Variants in SIGLEC15 observed in about 807,000 individuals in gnomAD.
The protein encoded by SIGLEC15 is sialic acid-binding Ig-like lectin 15.
In SIGLEC15, 31 loss-of-function variants were observed where a neutral mutation model predicts 26.2. The ratio of observed to expected loss-of-function variants is 1.18; its 90% confidence interval spans 0.89 to 1.60. The LOEUF (loss-of-function observed/expected upper bound fraction) is 1.60, where lower values mean the gene tolerates loss of function less well. Among genes scored for constraint, SIGLEC15 ranks in the 40% most tolerant of loss-of-function variants. SIGLEC15 has a pLI of 0.00. For missense variants in SIGLEC15, 501 were observed against 488.4 expected, an observed-to-expected ratio of 1.03 and a Z score of -0.24; for synonymous variants, 207 against 221.9, an observed-to-expected ratio of 0.93 and a Z score of 0.60.
intron 5 of SIGLEC15, 99 bp downstream of exon 5, chr18:45,840,340 G>A: frequency 7.3e-7 from 1 of 1,362,732 alleles, no homozygotes; most frequent in Non-Finnish European, 1.0e-6. Context: ...GCAAAGGGCT[G>A]GGGCTGGGGT....
chr18:45,826,881 G>A (rs1029023432), intron 1 of SIGLEC15, among the ~76,000 whole-genome samples: 1 of 152,102 alleles, frequency 6.6e-6, no homozygotes, highest in African/African-American at 2.4e-5. Context: ...ACTCACATAA[G>A]GCTGAAAACC....
chr18:45,830,890 G>C (rs192604138), intron 1 of SIGLEC15, among the ~76,000 whole-genome samples: 1 of 151,950 alleles, frequency 6.6e-6, no homozygotes, highest in African/African-American at 2.4e-5. Context: ...GAGCCACCGC[G>C]CTTGGCCAGC....
Position 45,841,338 on chromosome 18 carries a change from G to GA in SIGLEC15, c.906-764dup, listed in dbSNP as rs539868536. On this transcript the variant is annotated intron_variant, in intron 5 of 5. Transcript: ENST00000389474. ...GGACAGTAGGGGCAGCCCGGGAGAG[G>GA]AAAAGGCAAGTAGAAAGACTCAGGT... Among the ~76,000 whole-genome samples, 23 of 152,236 alleles carry GA rather than the reference G, an allele frequency of 1.5e-4. No individual in the cohort carries two copies. In the East Asian group the frequency reaches 3.1e-3, roughly 20 times the overall value.
chr18:45,836,203 A>G lies in SIGLEC15; in HGVS notation c.53-826A>G, dbSNP rs997856610. Among the ~76,000 whole-genome samples, 10 of 151,994 alleles carry G rather than the reference A, an allele frequency of 6.6e-5. No homozygotes were observed. In the East Asian group the frequency reaches 1.9e-3, roughly 29 times the overall value. On this transcript the variant is annotated intron_variant, in intron 1 of 5. Transcript: ENST00000389474. ...CTGGGCTTGGGGTCAGAAAAGTCAT[A>G]TTTCTCCCATCTTCAACCTGTGTGA...
chr18:45,834,717 G>C (rs565793007), intron 1 of SIGLEC15, among the ~76,000 whole-genome samples: 17 of 152,338 alleles, frequency 1.1e-4, no homozygotes, highest in African/African-American at 4.1e-4. Context: ...GTACCCCAGT[G>C]CCTGGCATAA....
intron 5 of SIGLEC15, among the ~76,000 whole-genome samples, chr18:45,841,679 G>C (rs1202267491): frequency 1.3e-5 from 2 of 152,176 alleles, no homozygotes; most frequent in African/African-American, 4.8e-5. Context: ...CCTGAGCCCT[G>C]GGTCCCACTT....
intron 1 of SIGLEC15, among the ~76,000 whole-genome samples, chr18:45,831,087 T>C (rs1329167312): frequency 6.6e-6 from 1 of 152,166 alleles, no homozygotes; most frequent in East Asian, 1.9e-4. Context: ...GCATCAGAGC[T>C]AGGGCTGGAG....
At chr18:45,835,421 C>T (rs1215462015) in intron 1 of SIGLEC15, among the ~76,000 whole-genome samples, 5 of 152,074 alleles carry the variant, frequency 3.3e-5, no homozygotes, top group Non-Finnish European at 7.4e-5. Context: ...ATGGAGGCAA[C>T]GCACAAGCAC....
Position 45,837,890 on chromosome 18 carries a change from G to T in SIGLEC15, c.490G>T (p.Val164Leu), listed in dbSNP as rs1245305472. ...GAGCCGCCACGGCGTCCGGCTGCACGTGACAGGCGAGGCGGCGTGGGAGCG... is the reference window on the plus strand; with the variant it reads ...GAGCCGCCACGGCGTCCGGCTGCACTTGACAGGCGAGGCGGCGTGGGAGCG... ...YESRHGVRLH[V>L]TAAPRIVNIS... is the part of the protein sequence containing the mutation. Residue 164 changes from valine (V) to leucine (L), a missense_variant, in exon 3 of 6, where the codon GTG becomes TTG. Physicochemically the swap from Val to Leu is conservative, Grantham distance 32. Coordinates refer to ENST00000389474, the MANE Select transcript of SIGLEC15 (RefSeq NM_213602.3). The T allele has an allele frequency of 6.6e-7, 1 of 1,515,790 alleles. No individual in the cohort carries two copies. The highest frequency in any genetic ancestry group is 8.7e-7 in the Non-Finnish European group (1 of 1,142,982). The allele number at this position is 1,515,790 out of a possible 1,614,324, so 93.9% of individuals were successfully genotyped here.
chr18:45,843,703 ACT>A lies in SIGLEC15; in HGVS notation c.*1519_*1520del, dbSNP rs2048343793. 1 of 152,056 alleles carries A rather than the reference ACT, an allele frequency of 6.6e-6. No homozygotes were observed. The highest frequency in any genetic ancestry group is 2.1e-4 in the South Asian group (1 of 4,816). The allele number at this position is 152,056 out of a possible 1,614,324, so 9.4% of individuals were successfully genotyped here. A position where few individuals can be genotyped will look rare whatever the true frequency, so the allele number is the denominator to read the frequency against. ...AGACCAGCCTAGCTAACATGGTAAA[ACT>A]CTGTCTCTACTAAAAATACAAAAAT... is the stretch of plus-strand genomic sequence containing the variant. On this transcript the variant is annotated 3_prime_UTR_variant, in exon 6 of 6. Coordinates refer to ENST00000389474, the MANE Select transcript of SIGLEC15 (RefSeq NM_213602.3).
chr18:45,826,761 C>T (rs571208622), intron 1 of SIGLEC15, among the ~76,000 whole-genome samples: 1 of 152,306 alleles, frequency 6.6e-6, no homozygotes, highest in East Asian at 1.9e-4. Context: ...CCTTAGACCC[C>T]TTTGCCCTCC....
chr18:45,825,830 T>G (rs779486475), intron 1 of SIGLEC15, 50 bp downstream of exon 1: 1 of 1,605,366 alleles, frequency 6.2e-7, no homozygotes, highest in Admixed American at 1.7e-5. Flanking sequence ...GAATAGATGC[T>G]GAAAGCATCT....
chr18:45,839,035 G>A lies in SIGLEC15; in HGVS notation c.814G>A (p.Gly272Ser), dbSNP rs1568081793. Residue 272 changes from glycine to serine, a missense_variant, in exon 4 of 6, where the codon GGC becomes AGC. Coordinates refer to ENST00000389474, the MANE Select transcript of SIGLEC15 (RefSeq NM_213602.3). ...STVALLLGAL[G>S]FKALLLLGVL... is the part of the protein sequence containing the mutation. Reference sequence around the variant, plus strand: ...GGTCGCCCTCCTGCTCGGCGCTCTCGGCTTCAAGGCGCTGCTGCTGCTCGG... The same window carrying A: ...GGTCGCCCTCCTGCTCGGCGCTCTCAGCTTCAAGGCGCTGCTGCTGCTCGG... The A allele has an allele frequency of 1.3e-6, 2 of 1,563,196 alleles. No individual in the cohort carries two copies. The highest frequency in any genetic ancestry group is 1.8e-5 in the Admixed American group (1 of 54,896).
chr18:45,833,919 A>G (rs2048255149), intron 1 of SIGLEC15, among the ~76,000 whole-genome samples: 2 of 131,238 alleles, frequency 1.5e-5, no homozygotes, highest in East Asian at 1.9e-4. Flanking sequence ...GGAAATATGG[A>G]AAAAAACCCA....
In SIGLEC15 at chr18:45,842,459, GAGT is replaced by G; in HGVS notation, c.*274_*276del. The G allele has an allele frequency of 2.2e-6, 1 of 455,654 alleles. No homozygotes were observed. The highest frequency in any genetic ancestry group is 4.0e-6 in the Non-Finnish European group (1 of 250,138). 28.2% of individuals were successfully genotyped at this position (455,654 alleles called of 1,614,324 possible). ...TGTGTGTGTGAGAGAGAGAGAGAGAGAGTACACGCATTAGCTTGAGCGTGAAAC... is the reference window on the plus strand; with the variant it reads ...TGTGTGTGTGAGAGAGAGAGAGAGAGACACGCATTAGCTTGAGCGTGAAAC... On this transcript the variant is annotated 3_prime_UTR_variant, in exon 6 of 6. Transcript: ENST00000389474.
At chr18:45,829,691 T>C (rs1415322366) in intron 1 of SIGLEC15, among the ~76,000 whole-genome samples, 2 of 152,086 alleles carry the variant, frequency 1.3e-5, no homozygotes. Context: ...CCCTCCCAGA[T>C]TGTTGGGCTC....
intron 1 of SIGLEC15, among the ~76,000 whole-genome samples, chr18:45,829,808 C>T (rs1399401642): frequency 6.6e-6 from 1 of 152,146 alleles, no homozygotes; most frequent in Non-Finnish European, 1.5e-5. Context: ...GCTGTCCCTC[C>T]TGGAGGCGTG....
At chr18:45,829,077 G>C in intron 1 of SIGLEC15, 1 of 985,670 alleles carries the variant, frequency 1.0e-6, no homozygotes, top group Non-Finnish European at 1.2e-6. Flanking sequence ...GGGGGTGGGG[G>C]CACCAGCAGA....
chr18:45,838,623 T>G, intron 3 of SIGLEC15, 95 bp from the exon 4 acceptor site: 3 of 1,416,234 alleles, frequency 2.1e-6, no homozygotes, highest in Non-Finnish European at 2.8e-6. Context: ...TGCCCATTCC[T>G]CCCTTCTGAC....
Sources: gnomAD v4.1 joint callset for allele counts (sites outside exome capture counted in the v4.1 genomes callset) on GRCh38, gnomAD v4.1.1 for gene constraint, MANE v1.5 for transcripts, NCBI Gene and HGNC (gene_info 2026-07-23, HGNC 2026-07-21) for gene names.